DGKD: variants seen among roughly 807,000 people sequenced by gnomAD.
The protein encoded by DGKD is diacylglycerol kinase delta, also known as DAG kinase delta.
In DGKD, 68 loss-of-function variants were observed where a neutral mutation model predicts 154.4. The observed-to-expected ratio is 0.44, with a 90% CI of 0.36 to 0.54. The LOEUF is 0.54. Ranked by LOEUF, DGKD falls within the 20% of genes least tolerant of loss-of-function variation. The pLI, the probability that DGKD is intolerant of heterozygous loss-of-function variation, is 0.00. For missense variants in DGKD, 1,343 were observed against 1,593.6 expected, an observed-to-expected ratio of 0.84 and a Z score of 2.68; for synonymous variants, 693 against 638.0, an observed-to-expected ratio of 1.09 and a Z score of -1.30.
chr2:233,390,602 TTGC>T, intron 3 of DGKD, 119 bp downstream of exon 3: 5 of 712,648 alleles, frequency 7.0e-6, no homozygotes, highest in Non-Finnish European at 1.2e-5. Context: ...ATTGGAATGA[TTGC>T]TGGTAAAATT....
At position 233,469,534 on chromosome 2, in the gene DGKD, C is replaced by A. The variant is rs1575187921; in HGVS notation, c.*74C>A. The A allele has an allele frequency of 1.5e-6, 2 of 1,325,080 alleles. No individual in the cohort carries two copies. The highest frequency in any genetic ancestry group is 5.0e-5 in the East Asian group (2 of 39,692). The allele number at this position is 1,325,080 out of a possible 1,614,324, so 82.1% of individuals were successfully genotyped here. ...AGCCTCCGCCCTCTCAGCCTGTGGC[C>A]TCTGCGCCTCCTGCCACTGAGGCCC... On this transcript the variant is annotated 3_prime_UTR_variant, in exon 30 of 30. Transcript: ENST00000264057.
chr2:233,426,648 T>C (rs1001019095), intron 3 of DGKD, among the ~76,000 whole-genome samples: 1 of 152,210 alleles, frequency 6.6e-6, no homozygotes, highest in Non-Finnish European at 1.5e-5. Flanking sequence ...AATGTATGAG[T>C]ATACTACAGT....
intron 16 of DGKD, 77 bp from the exon 17 acceptor site, chr2:233,450,845 C>A: frequency 6.5e-7 from 1 of 1,538,722 alleles, no homozygotes; most frequent in Non-Finnish European, 8.8e-7. Context: ...CCCACCTGCT[C>A]GTGTCGCTAA....
At chr2:233,355,335 C>CT (rs1046909963) in intron 1 of DGKD, among the ~76,000 whole-genome samples, 2 of 152,242 alleles carry the variant, frequency 1.3e-5, no homozygotes, top group African/African-American at 4.8e-5. Flanking sequence ...GACGCACGTC[C>CT]TTTTTGCAGG....
At chr2:233,405,518 A>AT (rs919912821) in intron 3 of DGKD, among the ~76,000 whole-genome samples, 3 of 141,452 alleles carry the variant, frequency 2.1e-5, no homozygotes, top group African/African-American at 7.8e-5. Flanking sequence ...AACTCTGTCT[A>AT]AAAAAAAAAA....
At chr2:233,423,286 C>A (rs1187368658) in intron 3 of DGKD, among the ~76,000 whole-genome samples, 1 of 152,070 alleles carries the variant, frequency 6.6e-6, no homozygotes, top group South Asian at 2.1e-4. Context: ...AGTGTAATTG[C>A]TGGGTCATAT....
rs574714502 is a variant in DGKD, at chr2:233,437,160, C to T, written c.820-217C>T. Among the ~76,000 whole-genome samples, 11 of 152,312 alleles carry T rather than the reference C, an allele frequency of 7.2e-5. No homozygotes were observed. In the South Asian group the frequency reaches 1.2e-3, roughly 17 times the overall value. ...GGTGTGAAGCATGACTGGCTCCTGC[C>T]GGGTATTTCCGTGTTATGCCTTCTC... is the stretch of plus-strand genomic sequence containing the variant. On this transcript the variant is annotated intron_variant, in intron 7 of 29. Coordinates refer to ENST00000264057, the MANE Select transcript of DGKD (RefSeq NM_152879.3).
At chr2:233,398,355 C>T (rs1479593976) in intron 3 of DGKD, among the ~76,000 whole-genome samples, 1 of 151,964 alleles carries the variant, frequency 6.6e-6, no homozygotes, top group Admixed American at 6.6e-5. Flanking sequence ...CAGCGTTAGC[C>T]AGGATGGTCT....
rs1242904662 is a variant in DGKD at position 233,438,488 on chromosome 2, A to G, written c.1085+109A>G. ...AGACACAAAGCTTTAAATAGGAAAGAAAAGTTGAACTGCTTCCTTCCCAAA... is the reference window on the plus strand; with the variant it reads ...AGACACAAAGCTTTAAATAGGAAAGGAAAGTTGAACTGCTTCCTTCCCAAA... On this transcript the variant is annotated intron_variant, in intron 9 of 29. Transcript: ENST00000264057. The surrounding 1 kb of genome is among the most constrained non-coding windows in gnomAD (Gnocchi z 4.1). 3.7e-6 allele frequency: 5 copies of G among 1,348,748 alleles called. No homozygotes were observed. The highest frequency in any genetic ancestry group is 4.0e-6 in the Non-Finnish European group (4 of 999,634). 83.5% of individuals were successfully genotyped at this position (1,348,748 alleles called of 1,614,324 possible).
In DGKD at chr2:233,354,888, TG is replaced by T. The variant is rs1282870868; in HGVS notation, c.156+218del. 2.3e-3 allele frequency among the ~76,000 whole-genome samples: 328 copies of T among 143,766 alleles called. 1 individual carries two copies. The highest frequency in any genetic ancestry group is 4.1e-3 in the Non-Finnish European group (269 of 64,918). 94.3% of individuals were successfully genotyped at this position (143,766 alleles called of 152,430 possible). A position where few individuals can be genotyped will look rare whatever the true frequency, so the allele number is the denominator to read the frequency against. ...GCCCCCGACGGACGGCGGGCGGCTGTGGGGCCGGGCGGGGGGCGCGCAGGTG... is the reference window on the plus strand; with the variant it reads ...GCCCCCGACGGACGGCGGGCGGCTGTGGGCCGGGCGGGGGGCGCGCAGGTG... On this transcript the variant is annotated intron_variant, in intron 1 of 29. Coordinates refer to ENST00000264057, the MANE Select transcript of DGKD (RefSeq NM_152879.3). This position sits in a 1 kb window ranked among gnomAD's most constrained non-coding sequence, Gnocchi z 4.8.
chr2:233,377,682 T>C (rs974700166), intron 1 of DGKD, among the ~76,000 whole-genome samples: 6 of 151,998 alleles, frequency 3.9e-5, no homozygotes, highest in Non-Finnish European at 8.8e-5. Flanking sequence ...ATCAGAAGAG[T>C]AAATGCATGA....
In DGKD at chr2:233,458,118, C is replaced by A. The variant is rs1277645914; in HGVS notation, c.2581-166C>A. 1.9e-6 allele frequency: 1 copy of A among 528,744 alleles called. No individual in the cohort carries two copies. 32.8% of individuals were successfully genotyped at this position (528,744 alleles called of 1,614,324 possible). ...ATGAGAGCTGGGATTTGGTCCCAGG[C>A]AGCTGGTTTCAGGGCCTGCAACATG... On this transcript the variant is annotated intron_variant, in intron 21 of 29. Transcript: ENST00000264057. This position sits in a 1 kb window ranked among gnomAD's most constrained non-coding sequence, Gnocchi z 6.6.
rs1181897018 is a variant in DGKD at position 233,458,476 on chromosome 2, T to G, written c.2694+79T>G. ...AAATTCTGGGGCAGTGCATGGAGCC[T>G]GGGAGGGTGGGCGCTTTCCAGGGCC... On this transcript the variant is annotated intron_variant, in intron 22 of 29. Coordinates refer to ENST00000264057, the MANE Select transcript of DGKD (RefSeq NM_152879.3). The surrounding 1 kb of genome is among the most constrained non-coding windows in gnomAD (Gnocchi z 6.6). The G allele has an allele frequency of 2.7e-6, 3 of 1,121,664 alleles. No homozygotes were observed. In the South Asian group the frequency reaches 4.1e-5, roughly 15 times the overall value. 69.5% of individuals were successfully genotyped at this position (1,121,664 alleles called of 1,614,324 possible).
intron 3 of DGKD, among the ~76,000 whole-genome samples, chr2:233,423,232 C>T (rs934325519): frequency 5.9e-5 from 9 of 152,258 alleles, no homozygotes; most frequent in South Asian, 2.1e-4. Flanking sequence ...GGGTAGGTTT[C>T]GGTGCAAACA....
intron 1 of DGKD, among the ~76,000 whole-genome samples, chr2:233,369,439 A>G (rs1179135587): frequency 6.6e-6 from 1 of 152,210 alleles, no homozygotes; most frequent in African/African-American, 2.4e-5. Flanking sequence ...GTCTTTTAAA[A>G]ACATTTTAAT....
At chr2:233,451,190 A>C in intron 17 of DGKD, 140 bp downstream of exon 17, 1 of 910,104 alleles carries the variant, frequency 1.1e-6, no homozygotes, top group Non-Finnish European at 1.5e-6. Flanking sequence ...AATTTACACG[A>C]CTGTATGAAA....
chr2:233,434,900 G>A lies in DGKD; in HGVS notation c.585G>A (p.Glu195=). 6.2e-7 allele frequency: 1 copy of A among 1,609,452 alleles called. No homozygotes were observed. Among genetic ancestry groups the A allele is most frequent in the Non-Finnish European group, 8.5e-7 (1 of 1,178,372 alleles). Reference sequence around the variant, plus strand: ...TCACGTCGCACGGGCTGTCCTGCGAGGGTACGGATGTGCGTTTGTTATTCT... The same window carrying A: ...TCACGTCGCACGGGCTGTCCTGCGAAGGTACGGATGTGCGTTTGTTATTCT... The part of the protein sequence containing the change: ...SGVTSHGLSC[E]VCKFKAHKRC... The change falls in exon 5 of 30, where the codon GAG becomes GAA. Residue 195 remains glutamate (E), a splice_region_variant and synonymous_variant. Coordinates refer to ENST00000264057, the MANE Select transcript of DGKD (RefSeq NM_152879.3).
chr2:233,468,264 C>T (rs1219225818), intron 28 of DGKD, among the ~76,000 whole-genome samples, 159 bp from the exon 29 acceptor site: 2 of 134,498 alleles, frequency 1.5e-5, no homozygotes. Flanking sequence ...GGCTGCTGGG[C>T]TATCTCAGGC....
intron 3 of DGKD, among the ~76,000 whole-genome samples, chr2:233,411,301 C>T (rs998778641): frequency 2.0e-5 from 3 of 152,190 alleles, no homozygotes; most frequent in Admixed American, 1.3e-4. Flanking sequence ...ATTTTATATT[C>T]CCACCAGCAG....
Sources: allele counts gnomAD v4.1 joint callset (sites outside exome capture counted in the v4.1 genomes callset), GRCh38; gene constraint gnomAD v4.1.1; non-coding constraint Gnocchi (gnomAD v3.1); transcripts MANE v1.5; gene names NCBI Gene and HGNC (gene_info 2026-07-23, HGNC 2026-07-21).